Variants in PRDM16 observed in about 807,000 individuals in gnomAD.
The protein encoded by PRDM16 is histone-lysine N-methyltransferase PRDM16.
In PRDM16, 23 loss-of-function variants were observed where a neutral mutation model predicts 110.6. The ratio of observed to expected loss-of-function variants is 0.21; its 90% CI spans 0.15 to 0.29. The LOEUF is 0.29. PRDM16 is among the 10% of genes least tolerant of loss of function. The pLI is 1.00. For missense variants in PRDM16, 1,615 were observed against 1,794.3 expected (o/e 0.90, Z 1.81); for synonymous variants, 799 against 781.8 (o/e 1.02, Z -0.37).
chr1:3,096,326 G>A (rs1176402904), intron 1 of PRDM16, among the ~76,000 whole-genome samples: 2 of 152,116 alleles, frequency 1.3e-5, no homozygotes, highest in Admixed American at 6.5e-5. Flanking sequence ...AACCCCGCGG[G>A]CCCCTTCCTC....
At chr1:3,188,638 G>A (rs758600325) in intron 2 of PRDM16, among the ~76,000 whole-genome samples, 3 of 152,204 alleles carry the variant, frequency 2.0e-5, no homozygotes, top group Admixed American at 6.5e-5. Flanking sequence ...TGCTCCCCGC[G>A]CACCCGGCAG....
chr1:3,248,279 G>A (rs757273964), intron 3 of PRDM16, among the ~76,000 whole-genome samples: 1 of 152,178 alleles, frequency 6.6e-6, no homozygotes, highest in Admixed American at 6.5e-5. Context: ...ATATGAAAGG[G>A]GAAACATGGC....
rs945628930 is a variant in PRDM16, at chr1:3,209,723, A to C, written c.387+23249A>C. Among the ~76,000 whole-genome samples, 6 of 152,070 alleles carry C rather than the reference A, an allele frequency of 3.9e-5. No homozygotes were observed. The highest frequency in any genetic ancestry group is 7.4e-5 in the Non-Finnish European group (5 of 68,006). Reference sequence around the variant, plus strand: ...AGGAACCACAGCCCTCCCGCCCCCCACAGAGCCCCTTCCCTGAGGGTTGGG... The same window carrying C: ...AGGAACCACAGCCCTCCCGCCCCCCCCAGAGCCCCTTCCCTGAGGGTTGGG... On this transcript the variant is annotated intron_variant, in intron 2 of 16. Transcript: ENST00000270722. This position sits in a 1 kb window ranked among gnomAD's most constrained non-coding sequence, Gnocchi z 4.6.
chr1:3,079,296 T>A (rs1012346405), intron 1 of PRDM16, among the ~76,000 whole-genome samples: 1 of 152,118 alleles, frequency 6.6e-6, no homozygotes, highest in Non-Finnish European at 1.5e-5. Flanking sequence ...TCAGAGGGGC[T>A]ACTGTCATCC....
In PRDM16 at chr1:3,431,115, G is replaced by A. The variant is rs1194366891; in HGVS notation, c.3521+7G>A. ...GCTTTGACCACACCCGAAGGTGGGGGCAGCCGTGTGCTCCAGGATGGGGCA... is the reference window on the plus strand; with the variant it reads ...GCTTTGACCACACCCGAAGGTGGGGACAGCCGTGTGCTCCAGGATGGGGCA... On this transcript the variant is annotated splice_region_variant and intron_variant, in intron 15 of 16. Transcript: ENST00000270722. 2 of 1,548,868 alleles carry A rather than the reference G, an allele frequency of 1.3e-6. No homozygotes were observed. The highest frequency in any genetic ancestry group is 2.4e-5 in the East Asian group (1 of 41,072).
At chr1:3,268,213 C>T (rs548920042) in intron 3 of PRDM16, among the ~76,000 whole-genome samples, 20 of 152,284 alleles carry the variant, frequency 1.3e-4, no homozygotes, top group African/African-American at 4.8e-4. Flanking sequence ...GCTCGGCGCG[C>T]GTCAGACCAG....
At chr1:3,146,731 G>T (rs1394889951) in intron 1 of PRDM16, among the ~76,000 whole-genome samples, 1 of 143,396 alleles carries the variant, frequency 7.0e-6, no homozygotes, top group African/African-American at 2.6e-5. Flanking sequence ...GCTCGGTGTG[G>T]GTTGTGTGAG....
At chr1:3,337,005 A>T (rs527603377) in intron 3 of PRDM16, among the ~76,000 whole-genome samples, 1 of 150,588 alleles carries the variant, frequency 6.6e-6, no homozygotes, top group Non-Finnish European at 1.5e-5. Flanking sequence ...GCATGCATGC[A>T]TGCACATGTG....
In PRDM16 at chr1:3,114,409, C is replaced by T. The variant is rs62653675; in HGVS notation, c.37+45113C>T. On this transcript the variant is annotated intron_variant, in intron 1 of 16. Transcript: ENST00000270722. ...AGACGCGCACGCACGCGCACACACA[C>T]GCACACACATGCACACACCAGGTGT... Among the ~76,000 whole-genome samples the T allele has an allele frequency of 1.0e-3, 105 of 105,420 alleles. 1 individual carries two copies. The highest frequency in any genetic ancestry group is 3.3e-3 in the African/African-American group (78 of 23,976). The allele number at this position is 105,420 out of a possible 152,430, so 69.2% of individuals were successfully genotyped here.
intron 3 of PRDM16, among the ~76,000 whole-genome samples, chr1:3,328,884 C>G (rs1252933082): frequency 6.6e-6 from 1 of 152,178 alleles, no homozygotes. Flanking sequence ...GCCCTGGACC[C>G]CCCGTTCAGA....
chr1:3,243,569 G>A lies in PRDM16; in HGVS notation c.388-518G>A, dbSNP rs1015525313. Among the ~76,000 whole-genome samples, 2 of 152,180 alleles carry A rather than the reference G, an allele frequency of 1.3e-5. No individual in the cohort carries two copies. Among genetic ancestry groups the A allele is most frequent in the South Asian group, 2.1e-4 (1 of 4,826 alleles). ...CTCCTGAGCTGGACTGTAAGCCCCC[G>A]GAGGGCAGGGACTGCACCTCGCTGT... On this transcript the variant is annotated intron_variant, in intron 2 of 16. Transcript: ENST00000270722. This position sits in a 1 kb window ranked among gnomAD's most constrained non-coding sequence, Gnocchi z 5.5.
chr1:3,301,048 G>A (rs2100389221), intron 3 of PRDM16, among the ~76,000 whole-genome samples: 1 of 152,294 alleles, frequency 6.6e-6, no homozygotes, highest in Middle Eastern at 3.4e-3. Context: ...AGAAATGTTT[G>A]GGCCGGGCAC....
At position 3,243,942 on chromosome 1, in the gene PRDM16, C is replaced by T; in HGVS notation, c.388-145C>T. ...GAAGGGATACCTGTGATCAATGGAA[C>T]CCTTCATTTCCTGCTGTGGAGAAGC... On this transcript the variant is annotated intron_variant, in intron 2 of 16. Transcript: ENST00000270722. This position sits in a 1 kb window ranked among gnomAD's most constrained non-coding sequence, Gnocchi z 5.5. 1 of 747,592 alleles carries T rather than the reference C, an allele frequency of 1.3e-6. No homozygotes were observed. Among genetic ancestry groups the T allele is most frequent in the South Asian group, 1.6e-5 (1 of 61,326 alleles). The allele number at this position is 747,592 out of a possible 1,614,324, so 46.3% of individuals were successfully genotyped here.
At chr1:3,151,098 C>T (rs1643767578) in intron 1 of PRDM16, among the ~76,000 whole-genome samples, 1 of 152,192 alleles carries the variant, frequency 6.6e-6, no homozygotes, top group African/African-American at 2.4e-5. Context: ...CCTGGGCCTC[C>T]TGGTCCTGAG....
chr1:3,342,926 G>C (rs1223514005), intron 3 of PRDM16, among the ~76,000 whole-genome samples: 1 of 151,992 alleles, frequency 6.6e-6, no homozygotes, highest in African/African-American at 2.4e-5. Flanking sequence ...ATCAGATGTG[G>C]GCTATTACAG....
intron 3 of PRDM16, among the ~76,000 whole-genome samples, chr1:3,292,592 G>A (rs996470669): frequency 9.9e-5 from 15 of 152,114 alleles, no homozygotes; most frequent in African/African-American, 2.7e-4. Flanking sequence ...TTGTCCAGAC[G>A]AGAGTGGCTT....
chr1:3,081,138 T>C lies in PRDM16; in HGVS notation c.37+11842T>C, dbSNP rs1557431627. Among the ~76,000 whole-genome samples the C allele has an allele frequency of 6.6e-6, 1 of 152,204 alleles. No homozygotes were observed. On this transcript the variant is annotated intron_variant, in intron 1 of 16. Transcript: ENST00000270722. The surrounding 1 kb of genome is among the most constrained non-coding windows in gnomAD (Gnocchi z 4.6). ...CCCCGGAGTCTTAACTTTCCCTCCGTCGAAGGTGTTAGTCTTACCTTCCCG... is the reference window on the plus strand; with the variant it reads ...CCCCGGAGTCTTAACTTTCCCTCCGCCGAAGGTGTTAGTCTTACCTTCCCG...
rs139077084 is a variant in PRDM16 at position 3,157,700 on chromosome 1, C to T, written c.38-28425C>T. On this transcript the variant is annotated intron_variant, in intron 1 of 16. Coordinates refer to ENST00000270722, the MANE Select transcript of PRDM16 (RefSeq NM_022114.4). The surrounding 1 kb of genome is among the most constrained non-coding windows in gnomAD (Gnocchi z 4.8). ...GATTCGCACCTGCTGGACTGGGAGG[C>T]GTCTCAGCAAATACCCACAGGAGGC... Among the ~76,000 whole-genome samples, 77 of 152,244 alleles carry T rather than the reference C, an allele frequency of 5.1e-4. 2 individuals are homozygous for T. The highest frequency in any genetic ancestry group is 1.8e-3 in the African/African-American group (76 of 41,542).
rs1431133291 is a variant in PRDM16, at chr1:3,300,087, G to A, written c.438+55950G>A. Among the ~76,000 whole-genome samples, 2 of 95,036 alleles carry A rather than the reference G, an allele frequency of 2.1e-5. 1 individual carries two copies. The highest frequency in any genetic ancestry group is 4.8e-5 in the Non-Finnish European group (2 of 41,532). The allele number at this position is 95,036 out of a possible 152,430, so 62.3% of individuals were successfully genotyped here. ...CTGCCCTTGTTGAAGATGCTATGCTGTGGCTGTGATGTTTCAGATCCCAGT... is the reference window on the plus strand; with the variant it reads ...CTGCCCTTGTTGAAGATGCTATGCTATGGCTGTGATGTTTCAGATCCCAGT... On this transcript the variant is annotated intron_variant, in intron 3 of 16. Transcript: ENST00000270722.
Sources: gnomAD v4.1 joint callset for allele counts (sites outside exome capture counted in the v4.1 genomes callset) on GRCh38, gnomAD v4.1.1 for gene constraint, Gnocchi (gnomAD v3.1) non-coding constraint, MANE v1.5 for transcripts, NCBI Gene and HGNC (gene_info 2026-07-23, HGNC 2026-07-21) for gene names.